Variants in PIBF1 observed in about 807,000 individuals in gnomAD.
PIBF1 encodes the protein progesterone-induced-blocking factor 1.
A neutral mutation model predicts 112.5 loss-of-function variants in PIBF1; 90 were observed. That is an observed-to-expected ratio of 0.80 (90% CI 0.67 to 0.95). The LOEUF is 0.95. Ranked by LOEUF, PIBF1 falls within the 40% of genes least tolerant of loss-of-function variation. The probability of loss-of-function intolerance (pLI) is 0.00; values close to 1 mark genes in which losing one functional copy is unlikely to be tolerated. For missense variants in PIBF1, 915 were observed against 852.3 expected (o/e 1.07, Z -0.92); for synonymous variants, 301 against 288.6 (o/e 1.04, Z -0.44).
At chr13:72,813,337 T>C (rs2036110446) in intron 5 of PIBF1, among the ~76,000 whole-genome samples, 1 of 152,150 alleles carries the variant, frequency 6.6e-6, no homozygotes, top group Non-Finnish European at 1.5e-5. Context: ...TCAGCTGTCT[T>C]CTGGCAGGCA....
intron 16 of PIBF1, among the ~76,000 whole-genome samples, chr13:72,986,676 C>CTTTTTTT (rs765529786): frequency 2.2e-4 from 20 of 89,002 alleles, no homozygotes; most frequent in South Asian, 4.3e-4. Flanking sequence ...TTTCTGTCAT[C>CTTTTTTT]TTTTTTTTTT....
intron 10 of PIBF1, among the ~76,000 whole-genome samples, chr13:72,862,069 C>T (rs192865360): frequency 3.0e-4 from 46 of 152,166 alleles, no homozygotes; most frequent in Non-Finnish European, 5.9e-4. Flanking sequence ...ATATATTCAT[C>T]TTCAGTGTGC....
intron 9 of PIBF1, among the ~76,000 whole-genome samples, chr13:72,843,507 GT>G (rs1208480480): frequency 6.6e-6 from 1 of 152,206 alleles, no homozygotes; most frequent in East Asian, 1.9e-4. Flanking sequence ...TGCCTCCCGG[GT>G]TTAAGTGATT....
intron 12 of PIBF1, among the ~76,000 whole-genome samples, chr13:72,912,949 T>TTA (rs2040944250): frequency 6.6e-6 from 1 of 151,788 alleles, no homozygotes; most frequent in Non-Finnish European, 1.5e-5. Flanking sequence ...TATAGTATGA[T>TTA]TATACTGTAT....
chr13:72,880,221 A>G (rs531225454), intron 10 of PIBF1, among the ~76,000 whole-genome samples: 1 of 152,346 alleles, frequency 6.6e-6, no homozygotes, highest in Non-Finnish European at 1.5e-5. Flanking sequence ...TAAGGATAAG[A>G]TGTTACATTC....
intron 10 of PIBF1, among the ~76,000 whole-genome samples, chr13:72,883,483 C>T (rs1267147244): frequency 6.6e-6 from 1 of 152,124 alleles, no homozygotes; most frequent in Non-Finnish European, 1.5e-5. Flanking sequence ...CTCTCTCTGG[C>T]TTTATACTGG....
chr13:72,953,987 T>C lies in PIBF1; in HGVS notation c.1834-11287T>C, dbSNP rs564739559. Among the ~76,000 whole-genome samples, 4 of 152,162 alleles carry C rather than the reference T, an allele frequency of 2.6e-5. No individual in the cohort carries two copies. In the South Asian group the frequency reaches 8.3e-4, roughly 32 times the overall value. Reference sequence around the variant, plus strand: ...GGTGAGGACTGGACCAGGCAAGTCCTCACTCAGGCTCTCCAGGTACAAGCA... The same window carrying C: ...GGTGAGGACTGGACCAGGCAAGTCCCCACTCAGGCTCTCCAGGTACAAGCA... On this transcript the variant is annotated intron_variant, in intron 14 of 17. Transcript: ENST00000326291.
intron 5 of PIBF1, among the ~76,000 whole-genome samples, chr13:72,813,600 A>G (rs1049853947): frequency 6.6e-6 from 1 of 152,194 alleles, no homozygotes; most frequent in Non-Finnish European, 1.5e-5. Context: ...TGGCCTCTTC[A>G]TGTGATTAGT....
intron 11 of PIBF1, among the ~76,000 whole-genome samples, chr13:72,908,178 A>C (rs1409557909): frequency 3.3e-5 from 5 of 152,202 alleles, no homozygotes. Context: ...CCTCTGTCAA[A>C]TGGCTTTGAT....
At chr13:72,908,703 C>A (rs761601921) in intron 12 of PIBF1, 22 bp downstream of exon 12, 1 of 1,579,636 alleles carries the variant, frequency 6.3e-7, no homozygotes, top group Non-Finnish European at 8.6e-7. Flanking sequence ...CCCACACACA[C>A]ATGCACAACT....
intron 8 of PIBF1, among the ~76,000 whole-genome samples, chr13:72,834,549 C>T (rs1187008023): frequency 1.3e-5 from 2 of 152,054 alleles, no homozygotes; most frequent in Non-Finnish European, 2.9e-5. Flanking sequence ...ATGGCTTGAG[C>T]CCAGGAGTTC....
chr13:72,789,800 G>T (rs912002979), intron 2 of PIBF1, among the ~76,000 whole-genome samples: 5 of 151,812 alleles, frequency 3.3e-5, no homozygotes, highest in Admixed American at 6.6e-5. Flanking sequence ...AATCCAAAAG[G>T]GTCAACTGAG....
intron 9 of PIBF1, among the ~76,000 whole-genome samples, chr13:72,850,550 T>G (rs902857815): frequency 2.0e-5 from 3 of 152,236 alleles, no homozygotes; most frequent in Admixed American, 2.0e-4. Context: ...GAAATGTTAT[T>G]AGGGACTGAA....
chr13:72,997,513 G>A (rs368909507), intron 16 of PIBF1, among the ~76,000 whole-genome samples: 2 of 152,130 alleles, frequency 1.3e-5, no homozygotes, highest in Non-Finnish European at 2.9e-5. Flanking sequence ...CTTCTGACAC[G>A]TCTCGCAACC....
intron 5 of PIBF1, among the ~76,000 whole-genome samples, chr13:72,805,964 A>G (rs759196923): frequency 2.0e-5 from 3 of 152,270 alleles, no homozygotes; most frequent in Non-Finnish European, 4.4e-5. Context: ...TCACATATAT[A>G]TAAAGAGAAA....
At position 72,952,893 on chromosome 13, in the gene PIBF1, A is replaced by AG. The variant is rs968258211; in HGVS notation, c.1834-12381_1834-12380insG. Among the ~76,000 whole-genome samples, 247 of 151,314 alleles carry AG rather than the reference A, an allele frequency of 1.6e-3. 2 individuals carry two copies. Among genetic ancestry groups the AG allele is most frequent in the Middle Eastern group, 6.8e-3 (2 of 294 alleles). On this transcript the variant is annotated intron_variant, in intron 14 of 17. Transcript: ENST00000326291. ...CCCTAGTGATGTGCCCTTAAGAAAA[A>AG]AAAAAAAAATCCCCAGTATTTTATT...
chr13:73,014,461 A>G (rs1047888841), intron 17 of PIBF1, among the ~76,000 whole-genome samples: 2 of 152,190 alleles, frequency 1.3e-5, no homozygotes, highest in Non-Finnish European at 2.9e-5. Context: ...ATGTGATACT[A>G]TATATTATTA....
Position 72,790,461 on chromosome 13 carries a change from ACACTTATAGATAGATCACACACACC to A in PIBF1, c.253-1984_253-1960del, listed in dbSNP as rs1333543681. ...CACACACACACACACACACACACAC[ACACTTATAGATAGATCACACACACC>A]CTTATAGATAGATCACACACACACA... On this transcript the variant is annotated intron_variant, in intron 2 of 17. Coordinates refer to ENST00000326291, the MANE Select transcript of PIBF1 (RefSeq NM_006346.4). Among the ~76,000 whole-genome samples the A allele has an allele frequency of 2.3e-3, 336 of 146,196 alleles. 1 individual carries two copies. Among genetic ancestry groups the A allele is most frequent in the African/African-American group, 8.2e-3 (308 of 37,574 alleles).
At chr13:72,955,967 G>T (rs1594266312) in intron 14 of PIBF1, among the ~76,000 whole-genome samples, 1 of 152,262 alleles carries the variant, frequency 6.6e-6, no homozygotes, top group East Asian at 1.9e-4. Context: ...AATTTATACA[G>T]CAGGCTTTTC....
Sources: allele counts gnomAD v4.1 joint callset (sites outside exome capture counted in the v4.1 genomes callset), GRCh38; gene constraint gnomAD v4.1.1; transcripts MANE v1.5; gene names NCBI Gene and HGNC (gene_info 2026-07-23, HGNC 2026-07-21).